Variants in CNTNAP2 observed in about 807,000 individuals in gnomAD.
CNTNAP2 encodes contactin associated protein 2.
CNTNAP2 carries 98 observed loss-of-function variants against 155.2 expected under a neutral mutation model. The observed-to-expected ratio is 0.63, with a 90% CI of 0.54 to 0.75. The LOEUF (loss-of-function observed/expected upper bound fraction) is 0.75, where lower values mean the gene tolerates loss of function less well. Ranked by LOEUF, CNTNAP2 falls within the 30% of genes least tolerant of loss-of-function variation. CNTNAP2 has a pLI of 0.00. For synonymous variants in CNTNAP2, 651 were observed against 631.2 expected (o/e 1.03, Z -0.47); for missense variants, 1,727 against 1,688.1 (o/e 1.02, Z -0.40).
chr7:147,231,911 T>C (rs1272460106), intron 8 of CNTNAP2, among the ~76,000 whole-genome samples: 1 of 152,226 alleles, frequency 6.6e-6, no homozygotes, highest in Non-Finnish European at 1.5e-5. Flanking sequence ...TTTGTTTTTG[T>C]TTGTGATTTT....
intron 1 of CNTNAP2, among the ~76,000 whole-genome samples, chr7:146,302,839 C>A (rs891213034): frequency 6.6e-6 from 1 of 152,088 alleles, no homozygotes; most frequent in African/African-American, 2.4e-5. Context: ...ACTAGAAATT[C>A]ATCTCTGGAG....
chr7:146,632,614 A>G (rs1799527501), intron 1 of CNTNAP2, among the ~76,000 whole-genome samples: 1 of 152,118 alleles, frequency 6.6e-6, no homozygotes, highest in Non-Finnish European at 1.5e-5. Context: ...GAAAAAGATA[A>G]GTTCTTAACC....
intron 18 of CNTNAP2, among the ~76,000 whole-genome samples, chr7:148,195,770 T>C (rs1795266744): frequency 6.6e-6 from 1 of 152,224 alleles, no homozygotes; most frequent in African/African-American, 2.4e-5. Flanking sequence ...TTTTATAAAA[T>C]TGAGACAGGC....
chr7:147,689,176 G>A (rs1015485794), intron 13 of CNTNAP2, among the ~76,000 whole-genome samples: 21 of 144,032 alleles, frequency 1.5e-4, no homozygotes, highest in East Asian at 4.0e-4. Context: ...TTGAGACAGC[G>A]TCTTGCCCTG....
chr7:146,637,547 A>T (rs1213310220), intron 1 of CNTNAP2, among the ~76,000 whole-genome samples: 1 of 152,300 alleles, frequency 6.6e-6, no homozygotes, highest in Non-Finnish European at 1.5e-5. Context: ...CAATTTTCTC[A>T]GTAGTTCAGA....
At chr7:146,783,660 C>A (rs1585088641) in intron 2 of CNTNAP2, among the ~76,000 whole-genome samples, 1 of 152,170 alleles carries the variant, frequency 6.6e-6, no homozygotes, top group African/African-American at 2.4e-5. Flanking sequence ...GGTATTTCAA[C>A]ACCTTGTTTT....
At chr7:147,014,517 G>A (rs1187140759) in intron 3 of CNTNAP2, among the ~76,000 whole-genome samples, 4 of 152,062 alleles carry the variant, frequency 2.6e-5, no homozygotes, top group Non-Finnish European at 1.5e-5. Context: ...TTAATTCAAA[G>A]TAGAGAACAT....
chr7:147,856,477 A>G (rs1799041813), intron 13 of CNTNAP2, among the ~76,000 whole-genome samples: 1 of 152,202 alleles, frequency 6.6e-6, no homozygotes, highest in African/African-American at 2.4e-5. Flanking sequence ...TTGCACACGA[A>G]TCCTCCTCTA....
At chr7:146,988,526 C>T (rs1031508985) in intron 3 of CNTNAP2, among the ~76,000 whole-genome samples, 27 of 152,222 alleles carry the variant, frequency 1.8e-4, no homozygotes, top group African/African-American at 6.5e-4. Flanking sequence ...TTCGAGATTT[C>T]ACTAAATTCT....
At chr7:147,248,471 G>T (rs1032255880) in intron 8 of CNTNAP2, among the ~76,000 whole-genome samples, 1 of 152,178 alleles carries the variant, frequency 6.6e-6, no homozygotes, top group African/African-American at 2.4e-5. Context: ...CAGGAGGATT[G>T]TCCTGGGTTA....
intron 8 of CNTNAP2, among the ~76,000 whole-genome samples, chr7:147,159,903 A>T (rs1043105972): frequency 1.3e-5 from 2 of 152,066 alleles, no homozygotes; most frequent in Admixed American, 6.6e-5. Context: ...TTACTTCTCT[A>T]TGAATCATAC....
At chr7:147,544,926 G>A (rs1016319293) in intron 11 of CNTNAP2, among the ~76,000 whole-genome samples, 1 of 152,056 alleles carries the variant, frequency 6.6e-6, no homozygotes, top group African/African-American at 2.4e-5. Context: ...CTAGCCATGT[G>A]GAACTGTGAG....
chr7:147,493,002 A>T (rs549600337), intron 11 of CNTNAP2, among the ~76,000 whole-genome samples: 24 of 151,150 alleles, frequency 1.6e-4, no homozygotes, highest in East Asian at 7.7e-4. Context: ...AAAGTATAAT[A>T]AAAAAAAGTG....
At chr7:146,663,444 A>T (rs2129166475) in intron 1 of CNTNAP2, among the ~76,000 whole-genome samples, 1 of 151,208 alleles carries the variant, frequency 6.6e-6, no homozygotes, top group South Asian at 2.1e-4. Flanking sequence ...CATATTTGAG[A>T]TTGCATTGAA....
chr7:146,638,155 A>G (rs994665692), intron 1 of CNTNAP2, among the ~76,000 whole-genome samples: 2 of 152,174 alleles, frequency 1.3e-5, no homozygotes, highest in Admixed American at 1.3e-4. Context: ...CCAGGTTAAG[A>G]GAAACTGACT....
At chr7:147,980,356 CCTATTATCAAAATAAA>C (rs1466112102) in intron 15 of CNTNAP2, among the ~76,000 whole-genome samples, 1 of 152,104 alleles carries the variant, frequency 6.6e-6, no homozygotes, top group Non-Finnish European at 1.5e-5. Context: ...ATTTTTAGAA[CCTATTATCAAAATAAA>C]CTTATTTATT....
intron 13 of CNTNAP2, among the ~76,000 whole-genome samples, chr7:147,868,620 G>C (rs1354282032): frequency 6.6e-6 from 1 of 152,218 alleles, no homozygotes; most frequent in East Asian, 1.9e-4. Context: ...GCTGTGGTGG[G>C]CTCTACCCAG....
chr7:148,156,743 G>A (rs1054636588), intron 17 of CNTNAP2, among the ~76,000 whole-genome samples: 4 of 152,072 alleles, frequency 2.6e-5, no homozygotes, highest in Admixed American at 6.6e-5. Flanking sequence ...ATGCCTCCTG[G>A]AAATTTGTTC....
intron 1 of CNTNAP2, among the ~76,000 whole-genome samples, chr7:146,155,946 C>A (rs1014027394): frequency 6.6e-6 from 1 of 151,900 alleles, no homozygotes; most frequent in Admixed American, 6.6e-5. Flanking sequence ...TCAGGTGATC[C>A]TCCCACCTCG....
Sources: allele counts gnomAD v4.1 joint callset (sites outside exome capture counted in the v4.1 genomes callset), GRCh38; gene constraint gnomAD v4.1.1; transcripts MANE v1.5; gene names NCBI Gene and HGNC (gene_info 2026-07-23, HGNC 2026-07-21).